MOB1B: variants seen among roughly 807,000 people sequenced by gnomAD.
MOB1B encodes the protein MOB kinase activator 1B.
In MOB1B, 19 loss-of-function variants were observed where a neutral mutation model predicts 24.4. That is an observed-to-expected ratio of 0.78 (90% confidence interval 0.54 to 1.14). The LOEUF is 1.14. MOB1B is among the 50% of genes most tolerant of loss of function. The probability of loss-of-function intolerance (pLI) is 0.00; values close to 1 mark genes in which losing one functional copy is unlikely to be tolerated. For missense variants in MOB1B, 243 were observed against 259.6 expected, an observed-to-expected ratio of 0.94 and a Z score of 0.44; for synonymous variants, 76 against 82.1, an observed-to-expected ratio of 0.93 and a Z score of 0.40.
In MOB1B at chr4:70,969,915, G is replaced by C; in HGVS notation, c.182-16G>C. 1 of 1,468,566 alleles carries C rather than the reference G, an allele frequency of 6.8e-7. No individual in the cohort carries two copies. The allele number at this position is 1,468,566 out of a possible 1,614,324, so 91.0% of individuals were successfully genotyped here. ...TAGCCATTCTGTTTTACTTACAACT[G>C]ATACTTGCTTTACAGCTGTGGATTT... On this transcript the variant is annotated splice_polypyrimidine_tract_variant and intron_variant, in intron 2 of 5. Coordinates refer to ENST00000309395, the MANE Select transcript of MOB1B (RefSeq NM_173468.4).
At chr4:70,954,846 C>T (rs964098066) in intron 1 of MOB1B, among the ~76,000 whole-genome samples, 4 of 151,850 alleles carry the variant, frequency 2.6e-5, no homozygotes, top group African/African-American at 9.7e-5. Context: ...TCTATAATCC[C>T]AGCTACTTGG....
intron 1 of MOB1B, among the ~76,000 whole-genome samples, chr4:70,913,237 TTTTC>T (rs1362701225): frequency 6.6e-6 from 1 of 152,138 alleles, no homozygotes; most frequent in Admixed American, 6.5e-5. Flanking sequence ...TATGTTTTTC[TTTTC>T]TTATGTACGT....
chr4:70,950,158 G>A (rs764641592), intron 1 of MOB1B, among the ~76,000 whole-genome samples: 51 of 152,160 alleles, frequency 3.4e-4, no homozygotes, highest in Non-Finnish European at 6.0e-4. Flanking sequence ...GCTTTAGGCC[G>A]AGTGCTGTGG....
At chr4:70,939,991 G>T (rs536214836) in intron 1 of MOB1B, among the ~76,000 whole-genome samples, 1 of 152,206 alleles carries the variant, frequency 6.6e-6, no homozygotes, top group Non-Finnish European at 1.5e-5. Flanking sequence ...GCCCTAGCCC[G>T]TCTCTGCATC....
intron 1 of MOB1B, among the ~76,000 whole-genome samples, chr4:70,919,092 G>A (rs1393952046): frequency 6.6e-6 from 1 of 151,762 alleles, no homozygotes; most frequent in African/African-American, 2.4e-5. Context: ...CTCACTCATA[G>A]GTGGGAATTG....
chr4:70,952,846 G>A (rs747356715), intron 1 of MOB1B, among the ~76,000 whole-genome samples: 1 of 151,040 alleles, frequency 6.6e-6, no homozygotes, highest in Non-Finnish European at 1.5e-5. Flanking sequence ...GTTGCTACAA[G>A]AGCTTGTACT....
intron 1 of MOB1B, among the ~76,000 whole-genome samples, chr4:70,931,027 C>T (rs1736873216): frequency 7.5e-6 from 1 of 132,816 alleles, no homozygotes; most frequent in South Asian, 2.4e-4. Context: ...GGTTTGATTG[C>T]ATCTGTATAT....
chr4:70,972,938 TA>T (rs1738821920), intron 3 of MOB1B, among the ~76,000 whole-genome samples: 1 of 152,012 alleles, frequency 6.6e-6, no homozygotes, highest in Non-Finnish European at 1.5e-5. Flanking sequence ...CACACCCGGC[TA>T]ATTTTTTGTA....
chr4:70,963,941 G>A (rs1479287138), intron 2 of MOB1B, among the ~76,000 whole-genome samples: 4 of 152,264 alleles, frequency 2.6e-5, no homozygotes, highest in Admixed American at 2.6e-4. Context: ...GATATAGAAT[G>A]GTTGAAACTA....
At chr4:70,921,775 G>C (rs1302347102) in intron 1 of MOB1B, among the ~76,000 whole-genome samples, 1 of 152,002 alleles carries the variant, frequency 6.6e-6, no homozygotes. Context: ...CCAAAGTGCT[G>C]GGATTACAGG....
intron 1 of MOB1B, among the ~76,000 whole-genome samples, chr4:70,943,771 A>G (rs1650655440): frequency 6.6e-6 from 1 of 152,226 alleles, no homozygotes; most frequent in African/African-American, 2.4e-5. Flanking sequence ...AATCAGTTAT[A>G]TCAAGCTATA....
chr4:70,919,051 C>T (rs1220770463), intron 1 of MOB1B, among the ~76,000 whole-genome samples: 2 of 151,012 alleles, frequency 1.3e-5, no homozygotes, highest in Non-Finnish European at 3.0e-5. Context: ...AGTAAACTAT[C>T]GCAAGAACAA....
chr4:70,978,277 A>G (rs1330873427), intron 4 of MOB1B, among the ~76,000 whole-genome samples: 1 of 152,212 alleles, frequency 6.6e-6, no homozygotes, highest in African/African-American at 2.4e-5. Flanking sequence ...TTGTAGCTGA[A>G]TAATATTTCA....
chr4:70,960,916 C>T (rs756972701), intron 2 of MOB1B, among the ~76,000 whole-genome samples: 86 of 152,010 alleles, frequency 5.7e-4, no homozygotes, highest in Non-Finnish European at 2.2e-4. Context: ...AATATAAAAG[C>T]AAATAATTTT....
chr4:70,925,709 A>C (rs964692388), intron 1 of MOB1B, among the ~76,000 whole-genome samples: 1 of 152,130 alleles, frequency 6.6e-6, no homozygotes, highest in African/African-American at 2.4e-5. Flanking sequence ...GCACCTTCCA[A>C]AGTGGATGCC....
intron 1 of MOB1B, among the ~76,000 whole-genome samples, chr4:70,905,294 A>G (rs1735696762): frequency 6.6e-6 from 1 of 151,380 alleles, no homozygotes; most frequent in Admixed American, 6.6e-5. Context: ...GATGGAGTGC[A>G]GTGGCATGAC....
In MOB1B at chr4:70,987,278, CTA is replaced by C. The variant is rs984615247; in HGVS notation, c.*5227_*5228del. ...GTTAAAATTTCAATATTTAATTTCT[CTA>C]TATATTATTAATATTAAATTGTTTT... On this transcript the variant is annotated 3_prime_UTR_variant, in exon 6 of 6. Coordinates refer to ENST00000309395, the MANE Select transcript of MOB1B (RefSeq NM_173468.4). The C allele has an allele frequency of 2.6e-5, 4 of 151,498 alleles. No individual in the cohort carries two copies. Among genetic ancestry groups the C allele is most frequent in the Non-Finnish European group, 5.9e-5 (4 of 67,874 alleles). 9.4% of individuals were successfully genotyped at this position (151,498 alleles called of 1,614,324 possible). A position where few individuals can be genotyped will look rare whatever the true frequency, so the allele number is the denominator to read the frequency against.
At chr4:70,980,531 T>G (rs561831682) in intron 5 of MOB1B, among the ~76,000 whole-genome samples, 50 of 152,312 alleles carry the variant, frequency 3.3e-4, no homozygotes, top group Middle Eastern at 3.4e-3. Context: ...GGTAGGTCCA[T>G]TATACAGTAT....
intron 2 of MOB1B, among the ~76,000 whole-genome samples, chr4:70,962,431 A>C (rs1738342384): frequency 1.3e-5 from 2 of 152,220 alleles, no homozygotes; most frequent in African/African-American, 4.8e-5. Flanking sequence ...AAGAAAAGGC[A>C]ATTCAGTGGA....
Sources: allele counts gnomAD v4.1 joint callset (sites outside exome capture counted in the v4.1 genomes callset), GRCh38; gene constraint gnomAD v4.1.1; transcripts MANE v1.5; gene names NCBI Gene and HGNC (gene_info 2026-07-23, HGNC 2026-07-21).